The following PDE11A variants were observed in gnomAD, a reference collection of about 807,000 sequenced individuals.
The protein encoded by PDE11A is phosphodiesterase 11A.
In PDE11A, 100 loss-of-function variants were observed where a neutral mutation model predicts 100.5. That is an observed-to-expected ratio of 1.00 (90% CI 0.85 to 1.18). The LOEUF is 1.18. Among genes scored for constraint, PDE11A ranks in the 50% most tolerant of loss-of-function variants. PDE11A has a pLI of 0.00. For synonymous variants in PDE11A, 381 were observed against 420.8 expected (o/e 0.91, Z 1.16); for missense variants, 1,141 against 1,152.6 (o/e 0.99, Z 0.15).
At chr2:177,656,104 C>T (rs534632492) in intron 19 of PDE11A, among the ~76,000 whole-genome samples, 1 of 152,142 alleles carries the variant, frequency 6.6e-6, no homozygotes, top group Non-Finnish European at 1.5e-5. Flanking sequence ...GCCATATACT[C>T]CAGATTATGG....
chr2:178,033,080 G>A (rs2086569201), intron 1 of PDE11A, among the ~76,000 whole-genome samples: 1 of 152,192 alleles, frequency 6.6e-6, no homozygotes, highest in Admixed American at 6.5e-5. Flanking sequence ...GCTTCAGAAA[G>A]TGGGTAATAA....
At chr2:177,869,115 G>A (rs1638720159) in intron 5 of PDE11A, among the ~76,000 whole-genome samples, 1 of 152,208 alleles carries the variant, frequency 6.6e-6, no homozygotes, top group South Asian at 2.1e-4. Flanking sequence ...ATTTTCATCT[G>A]AGAATGGGTT....
intron 18 of PDE11A, among the ~76,000 whole-genome samples, chr2:177,666,171 T>C (rs577276359): frequency 8.5e-4 from 129 of 152,360 alleles, no homozygotes; most frequent in Admixed American, 2.7e-3. Flanking sequence ...AATGCAATCT[T>C]ATGATATGTG....
intron 10 of PDE11A, among the ~76,000 whole-genome samples, chr2:177,766,688 C>A (rs2082244400): frequency 6.6e-6 from 1 of 152,224 alleles, no homozygotes; most frequent in Non-Finnish European, 1.5e-5. Flanking sequence ...AAGCCCACTA[C>A]ATTTTAATGT....
chr2:177,958,971 G>A (rs1471528509), intron 2 of PDE11A, among the ~76,000 whole-genome samples: 1 of 152,200 alleles, frequency 6.6e-6, no homozygotes, highest in African/African-American at 2.4e-5. Context: ...ATGAAGATAA[G>A]GTTGCTGTTC....
At chr2:177,772,034 T>A (rs190383072) in intron 9 of PDE11A, among the ~76,000 whole-genome samples, 199 of 143,082 alleles carry the variant, frequency 1.4e-3, no homozygotes, top group African/African-American at 5.4e-3. Flanking sequence ...TAAATAAAAA[T>A]AATGCTACTT....
rs768524227 is a variant in PDE11A at position 177,627,017 on chromosome 2, C to CTTTTT, written c.*2385_*2389dup. On this transcript the variant is annotated 3_prime_UTR_variant, in exon 20 of 20. Coordinates refer to ENST00000286063, the MANE Select transcript of PDE11A (RefSeq NM_016953.4). The stretch of plus-strand genomic sequence containing the variant: ...TATTCCCCTCTTAGTCTGGTTTATA[C>CTTTTT]TTTTTTTTTTTTTTTTTTTTTTTTT... 4.9e-5 allele frequency: 2 copies of CTTTTT among 40,916 alleles called. 1 individual carries two copies. Among genetic ancestry groups the CTTTTT allele is most frequent in the African/African-American group, 2.9e-4 (2 of 6,998 alleles). The allele number at this position is 40,916 out of a possible 1,614,324, so 2.5% of individuals were successfully genotyped here. A position where few individuals can be genotyped will look rare whatever the true frequency, so the allele number is the denominator to read the frequency against.
Position 177,625,336 on chromosome 2 carries a change from G to A in PDE11A, c.*4071C>T, listed in dbSNP as rs936992753. ...GTGTGGGGACTGAATAAAAGTCAGT[G>A]CTTTTATGTAATAGATGGAGATTCT... On this transcript the variant is annotated 3_prime_UTR_variant, in exon 20 of 20. Transcript: ENST00000286063. 1.3e-5 allele frequency: 2 copies of A among 152,598 alleles called. No homozygotes were observed. Among genetic ancestry groups the A allele is most frequent in the Non-Finnish European group, 1.5e-5 (1 of 68,024 alleles). 9.5% of individuals were successfully genotyped at this position (152,598 alleles called of 1,614,324 possible).
At chr2:178,080,064 T>C (rs186722586) in intron 2 of PDE11A, among the ~76,000 whole-genome samples, 1 of 152,324 alleles carries the variant, frequency 6.6e-6, no homozygotes, top group East Asian at 1.9e-4. Context: ...GATGGATAGA[T>C]TGCAAAAATT....
chr2:177,820,978 AGAGT>A lies in PDE11A; in HGVS notation c.1501-687_1501-684del, dbSNP rs2083130358. 2.0e-5 allele frequency among the ~76,000 whole-genome samples: 3 copies of A among 151,902 alleles called. No homozygotes were observed. The South Asian group carries it at 6.2e-4, about 31-fold the overall frequency. ...TTGAATGGTTAGAGAGAAACCACTA[AGAGT>A]GAAAGGGTCTTAGGGAGTTAATATG... On this transcript the variant is annotated intron_variant, in intron 6 of 19. Coordinates refer to ENST00000286063, the MANE Select transcript of PDE11A (RefSeq NM_016953.4).
intron 1 of PDE11A, chr2:178,105,757 GC>G: frequency 3.7e-6 from 4 of 1,089,578 alleles, no homozygotes; most frequent in Non-Finnish European, 4.8e-6. Flanking sequence ...ACAGCTCTGA[GC>G]CCCTGGGCCA....
chr2:177,740,431 C>T (rs1207641201), intron 10 of PDE11A, among the ~76,000 whole-genome samples: 1 of 152,184 alleles, frequency 6.6e-6, no homozygotes, highest in African/African-American at 2.4e-5. Flanking sequence ...GTGTATCAAG[C>T]ATTGTGCTAA....
At chr2:177,926,751 T>G (rs560561190) in intron 2 of PDE11A, 35 of 133,650 alleles carry the variant, frequency 2.6e-4, no homozygotes, top group African/African-American at 9.0e-4. Context: ...CATTTCCTGG[T>G]TTTTTTTCCT....
At position 177,675,499 on chromosome 2, in the gene PDE11A, A is replaced by G. The variant is rs779077725; in HGVS notation, c.2443T>C (p.Cys815Arg). ...GGTTTGGTCACGGCTCCAAGGTCACAGGCTGTCATTAACATTGATCTGAAA... is the reference window on the plus strand; with the variant it reads ...GGTTTGGTCACGGCTCCAAGGTCACGGGCTGTCATTAACATTGATCTGAAA... ...DIFRSMLMTA[C>R]DLGAVTKPWE... The change falls in exon 17 of 20, where the codon TGT (cysteine) becomes CGT (arginine). Residue 815 changes from cysteine to arginine, a missense_variant. Transcript: ENST00000286063. 5.6e-6 allele frequency: 9 copies of G among 1,613,562 alleles called. No homozygotes were observed. The Admixed American group carries it at 1.5e-4, about 27-fold the overall frequency.
chr2:178,046,515 CGTTT>C (rs568914287), intron 1 of PDE11A, among the ~76,000 whole-genome samples: 1,704 of 152,052 alleles, frequency 0.011, 14 homozygotes, highest in Non-Finnish European at 0.019. Flanking sequence ...CTTGTTTGTT[CGTTT>C]GTTTGTTTGT....
chr2:177,811,790 C>T (rs185502102), intron 9 of PDE11A, among the ~76,000 whole-genome samples: 7 of 152,240 alleles, frequency 4.6e-5, no homozygotes, highest in Admixed American at 6.5e-5. Context: ...ACACAGGCTA[C>T]AGACAATGGG....
chr2:177,969,418 G>T (rs2085741265), intron 2 of PDE11A, among the ~76,000 whole-genome samples: 1 of 151,976 alleles, frequency 6.6e-6, no homozygotes, highest in African/African-American at 2.4e-5. Context: ...ATGAATCCCA[G>T]AACTTAAAGT....
chr2:177,735,959 G>A (rs1418100999), intron 10 of PDE11A, among the ~76,000 whole-genome samples: 1 of 152,196 alleles, frequency 6.6e-6, no homozygotes, highest in African/African-American at 2.4e-5. Flanking sequence ...AAATGTTTGG[G>A]CCGTTTTCGT....
intron 10 of PDE11A, among the ~76,000 whole-genome samples, chr2:177,755,902 C>G (rs2082084727): frequency 6.6e-6 from 1 of 152,230 alleles, no homozygotes. Context: ...TGGAGAGTCA[C>G]AGCAGCCAGC....
Sources: gnomAD v4.1 joint callset for allele counts (sites outside exome capture counted in the v4.1 genomes callset) on GRCh38, gnomAD v4.1.1 for gene constraint, MANE v1.5 for transcripts, NCBI Gene and HGNC (gene_info 2026-07-23, HGNC 2026-07-21) for gene names.